FKRP: variants seen among roughly 807,000 people sequenced by gnomAD.
FKRP encodes the protein ribitol 5-phosphate transferase FKRP.
A neutral mutation model predicts 30.6 loss-of-function variants in FKRP; 25 were observed. That is an observed-to-expected ratio of 0.82 (90% CI 0.60 to 1.14). The LOEUF (loss-of-function observed/expected upper bound fraction) is 1.14. Among genes scored for constraint, FKRP ranks in the 50% most tolerant of loss-of-function variants. The pLI is 0.00. For missense variants in FKRP, 771 were observed against 727.8 expected, an observed-to-expected ratio of 1.06 and a Z score of -0.68; for synonymous variants, 358 against 342.5, an observed-to-expected ratio of 1.05 and a Z score of -0.50.
chr19:46,748,303 G>T (rs562882514), intron 2 of FKRP, among the ~76,000 whole-genome samples: 1 of 151,306 alleles, frequency 6.6e-6, no homozygotes, highest in African/African-American at 2.4e-5. Context: ...TCAGCCTCCC[G>T]AGTAGCTGGG....
In FKRP at chr19:46,751,065, T is replaced by A. The variant is rs1003055843; in HGVS notation, c.-40+2400T>A. 2.6e-4 allele frequency among the ~76,000 whole-genome samples: 39 copies of A among 151,178 alleles called. 1 individual carries two copies. The highest frequency in any genetic ancestry group is 1.3e-3 in the Admixed American group (19 of 15,168). ...TAGGAAGTACATGGGAGATGCTTTT[T>A]TTTTTTTTTTAAAGACAGACAAGGT... is the stretch of plus-strand genomic sequence containing the variant. On this transcript the variant is annotated intron_variant, in intron 3 of 3. Transcript: ENST00000318584.
chr19:46,757,128 C>T lies in FKRP; in HGVS notation c.*190C>T. On this transcript the variant is annotated 3_prime_UTR_variant, in exon 4 of 4. Coordinates refer to ENST00000318584, the MANE Select transcript of FKRP (RefSeq NM_024301.5). Reference sequence around the variant, plus strand: ...AGAGCACCAGGACGAGGATGGGAAGCGACCTCCAGATTTATCAAATGGTCA... The same window carrying T: ...AGAGCACCAGGACGAGGATGGGAAGTGACCTCCAGATTTATCAAATGGTCA... 1.3e-6 allele frequency: 1 copy of T among 751,808 alleles called. No homozygotes were observed. Among genetic ancestry groups the T allele is most frequent in the Non-Finnish European group, 2.2e-6 (1 of 446,728 alleles). 46.6% of individuals were successfully genotyped at this position (751,808 alleles called of 1,614,324 possible).
In FKRP at chr19:46,748,604, T is replaced by G. The variant is rs949471238; in HGVS notation, c.-101T>G. On this transcript the variant is annotated 5_prime_UTR_variant, in exon 3 of 4. Transcript: ENST00000318584. ...ATTTGGATTCATTTACCTTGTTTTG[T>G]GGGGACTGGAGAGACAAGTAAACTC... is the stretch of plus-strand genomic sequence containing the variant. 4 of 152,230 alleles carry G rather than the reference T, an allele frequency of 2.6e-5. No individual in the cohort carries two copies. Among genetic ancestry groups the G allele is most frequent in the Non-Finnish European group, 4.4e-5 (3 of 68,064 alleles). The allele number at this position is 152,230 out of a possible 1,614,324, so 9.4% of individuals were successfully genotyped here.
intron 1 of FKRP, 36 bp downstream of exon 1, chr19:46,746,126 G>A: frequency 6.7e-7 from 1 of 1,483,284 alleles, no homozygotes. Flanking sequence ...GTTGGGGGTC[G>A]GGGGTCCCGG....
chr19:46,754,828 A>G (rs2054874098), intron 3 of FKRP, among the ~76,000 whole-genome samples: 1 of 151,490 alleles, frequency 6.6e-6, no homozygotes, highest in African/African-American at 2.4e-5. Flanking sequence ...CTGGTCTCAA[A>G]CTCCTGACCT....
chr19:46,749,288 T>C (rs1162626727), intron 3 of FKRP, among the ~76,000 whole-genome samples: 2 of 152,138 alleles, frequency 1.3e-5, no homozygotes, highest in African/African-American at 4.8e-5. Context: ...AGGTAAAGTT[T>C]ACTGGTTTAA....
chr19:46,755,891 G>A lies in FKRP; in HGVS notation c.441G>A (p.Ala147=), dbSNP rs1185093260. 2 of 1,508,406 alleles carry A rather than the reference G, an allele frequency of 1.3e-6. No individual in the cohort carries two copies. The highest frequency in any genetic ancestry group is 1.8e-6 in the Non-Finnish European group (2 of 1,132,782). The allele number at this position is 1,508,406 out of a possible 1,614,324, so 93.4% of individuals were successfully genotyped here. A position where few individuals can be genotyped will look rare whatever the true frequency, so the allele number is the denominator to read the frequency against. The change falls in exon 4 of 4, where the codon GCG becomes GCA. Residue 147 remains alanine, a synonymous_variant. Coordinates refer to ENST00000318584, the MANE Select transcript of FKRP (RefSeq NM_024301.5). ...GCCTGCTGGAGCGCATGGTGGAGGCGCTCCGCGCAGGAAGCGCACGTCTGG... is the reference window on the plus strand; with the variant it reads ...GCCTGCTGGAGCGCATGGTGGAGGCACTCCGCGCAGGAAGCGCACGTCTGG... ...APGLLERMVE[A]LRAGSARLVA...
chr19:46,751,690 C>T (rs1262304330), intron 3 of FKRP, among the ~76,000 whole-genome samples: 4 of 151,924 alleles, frequency 2.6e-5, no homozygotes, highest in Non-Finnish European at 5.9e-5. Flanking sequence ...CTCAGCCTCC[C>T]GAGTAGCTGG....
At position 46,755,981 on chromosome 19, in the gene FKRP, G is replaced by A. The variant is rs768007208; in HGVS notation, c.531G>A (p.Glu177=). 1.1e-4 allele frequency: 163 copies of A among 1,542,636 alleles called. No homozygotes were observed. In the African/African-American group the frequency reaches 2.1e-3, roughly 19 times the overall value. ...RCLALNVSLR[E]WTARYGAAPA... Reference sequence around the variant, plus strand: ...TGGCCCTGAACGTCAGCCTGCGAGAGTGGACCGCCCGCTATGGCGCAGCCC... The same window carrying A: ...TGGCCCTGAACGTCAGCCTGCGAGAATGGACCGCCCGCTATGGCGCAGCCC... Residue 177 remains glutamate (E), a synonymous_variant, in exon 4 of 4, where the codon GAG becomes GAA. Transcript: ENST00000318584.
At position 46,756,626 on chromosome 19, in the gene FKRP, C is replaced by G; in HGVS notation, c.1176C>G (p.Phe392Leu). The G allele has an allele frequency of 6.2e-7, 1 of 1,612,834 alleles. No individual in the cohort carries two copies. The highest frequency in any genetic ancestry group is 8.5e-7 in the Non-Finnish European group (1 of 1,179,650). The stretch of plus-strand genomic sequence containing the variant: ...GCTCGGTGGTGGATGAGCGCGGCTT[C>G]GTATGGGAGAAGGCGGTCGAGGGCG... ...EAGSVVDERG[F>L]VWEKAVEGDF... is the part of the protein sequence containing the mutation. Residue 392 changes from phenylalanine to leucine, a missense_variant, in exon 4 of 4, where the codon TTC becomes TTG. By Grantham distance (22) the Phe-to-Leu change is conservative. Transcript: ENST00000318584. This position sits in a 1 kb window ranked among gnomAD's most constrained non-coding sequence, Gnocchi z 6.6.
Position 46,756,585 on chromosome 19 carries a change from CG to C in FKRP, c.1141del (p.Ala381GlnfsTer47), listed in dbSNP as rs754403441. 1.2e-6 allele frequency: 2 copies of C among 1,610,164 alleles called. No homozygotes were observed. The highest frequency in any genetic ancestry group is 2.2e-5 in the East Asian group (1 of 44,738). ...LEDVGNCEQL[R>X]GAEAGSVVDE... ...GGACGTGGGCAACTGCGAGCAGCTG[CG>C]GGGGGCAGAGGCCGGCTCGGTGGTG... On this transcript the variant is annotated frameshift_variant, in exon 4 of 4. Transcript: ENST00000318584. LOFTEE classifies it high-confidence loss of function. The surrounding 1 kb of genome is among the most constrained non-coding windows in gnomAD (Gnocchi z 6.6).
At chr19:46,745,916 C>T, upstream of FKRP, 1 of 419,750 alleles carries the variant, frequency 2.4e-6, no homozygotes, top group Non-Finnish European at 4.1e-6. Flanking sequence ...CTCCCACCCC[C>T]GGTCCCTCCA....
In FKRP at chr19:46,756,456, G is replaced by A. The variant is rs2054926771; in HGVS notation, c.1006G>A (p.Ala336Thr). The A allele has an allele frequency of 6.3e-7, 1 of 1,584,852 alleles. No individual in the cohort carries two copies. The highest frequency in any genetic ancestry group is 8.6e-7 in the Non-Finnish European group (1 of 1,165,798). The stretch of plus-strand genomic sequence containing the variant: ...CTATGTGGTGGGCGTGCTGGAGGCT[G>A]CGGGCGTGCGCTACTGGCTCGAGGG... ...ARYVVGVLEA[A>T]GVRYWLEGGS... Residue 336 changes from alanine (A) to threonine (T), a missense_variant, in exon 4 of 4, where the codon GCG becomes ACG. By Grantham distance (58) the Ala-to-Thr change is moderately conservative (BLOSUM62 0). Transcript: ENST00000318584. This position sits in a 1 kb window ranked among gnomAD's most constrained non-coding sequence, Gnocchi z 6.6.
chr19:46,753,517 TAAAC>T (rs1429283401), intron 3 of FKRP, among the ~76,000 whole-genome samples: 1 of 150,056 alleles, frequency 6.7e-6, no homozygotes, highest in Non-Finnish European at 1.5e-5. Context: ...CAGGGTGACT[TAAAC>T]ATACAGGTTG....
chr19:46,752,388 C>T, intron 3 of FKRP, among the ~76,000 whole-genome samples: 1 of 152,140 alleles, frequency 6.6e-6, no homozygotes, highest in East Asian at 1.9e-4. Context: ...TGCAAAGGTT[C>T]CTGCCCCTGC....
chr19:46,745,224 T>C (rs1291044922), upstream of FKRP, among the ~76,000 whole-genome samples: 3 of 151,936 alleles, frequency 2.0e-5, no homozygotes, highest in African/African-American at 7.3e-5. Context: ...ACCTACATCC[T>C]ACAACACACG....
At chr19:46,754,676 C>G (rs761119231) in intron 3 of FKRP, among the ~76,000 whole-genome samples, 15 of 151,832 alleles carry the variant, frequency 9.9e-5, no homozygotes, top group Non-Finnish European at 1.9e-4. Context: ...GTGCCATCTC[C>G]GCTCACTGCA....
At chr19:46,755,262 T>C in intron 3 of FKRP, 150 bp from the exon 4 acceptor site, 2 of 602,096 alleles carry the variant, frequency 3.3e-6, no homozygotes, top group Non-Finnish European at 2.8e-6. Context: ...CAGGGAGTGC[T>C]TCCTGGAGAA....
chr19:46,756,529 A>T lies in FKRP; in HGVS notation c.1079A>T (p.Asp360Val), dbSNP rs778062455. The T allele has an allele frequency of 1.3e-6, 2 of 1,598,548 alleles. No individual in the cohort carries two copies. The highest frequency in any genetic ancestry group is 2.3e-5 in the South Asian group (2 of 88,446). The change falls in exon 4 of 4, where the codon GAC becomes GTC. Residue 360 changes from aspartate to valine, a missense_variant. Transcript: ENST00000318584. The surrounding 1 kb of genome is among the most constrained non-coding windows in gnomAD (Gnocchi z 6.6). ...CGCCACGGGGACATCATCCCATGGGACTACGACGTGGACCTGGGCATCTAC... is the reference window on the plus strand; with the variant it reads ...CGCCACGGGGACATCATCCCATGGGTCTACGACGTGGACCTGGGCATCTAC... ...AARHGDIIPW[D>V]YDVDLGIYLE...
Sources: gnomAD v4.1 joint callset for allele counts (sites outside exome capture counted in the v4.1 genomes callset) on GRCh38, gnomAD v4.1.1 for gene constraint, Gnocchi (gnomAD v3.1) non-coding constraint, MANE v1.5 for transcripts, NCBI Gene and HGNC (gene_info 2026-07-23, HGNC 2026-07-21) for gene names.